TJP2: variants seen among roughly 807,000 people sequenced by gnomAD.
TJP2 encodes tight junction protein 2.
TJP2 carries 91 observed loss-of-function variants against 133.1 expected under a neutral mutation model. The observed-to-expected ratio is 0.68, with a 90% CI of 0.58 to 0.81. The LOEUF is 0.81. Ranked by LOEUF, TJP2 falls within the 40% of genes least tolerant of loss-of-function variation. The probability of loss-of-function intolerance (pLI) is 0.00; values close to 1 mark genes in which losing one functional copy is unlikely to be tolerated. For synonymous variants in TJP2, 592 were observed against 583.4 expected (o/e 1.01, Z -0.21); for missense variants, 1,541 against 1,565.6 (o/e 0.98, Z 0.26).
intron 1 of TJP2, among the ~76,000 whole-genome samples, chr9:69,203,759 G>A (rs998365340): frequency 6.6e-6 from 1 of 151,114 alleles, no homozygotes; most frequent in African/African-American, 2.4e-5. Context: ...GACTACAGGT[G>A]TGCACAACCA....
intron 6 of TJP2, among the ~76,000 whole-genome samples, chr9:69,225,818 G>C (rs1282939846): frequency 6.6e-6 from 1 of 152,140 alleles, no homozygotes; most frequent in Non-Finnish European, 1.5e-5. Context: ...TAAATTAGCA[G>C]AGTAACTTAC....
At chr9:69,153,183 T>C (rs1823573236) in intron 2 of TJP2, among the ~76,000 whole-genome samples, 7 of 151,880 alleles carry the variant, frequency 4.6e-5, no homozygotes, top group Non-Finnish European at 1.0e-4. Flanking sequence ...CAGTGAGCTA[T>C]AATTGCACCA....
chr9:69,158,279 G>C (rs1823876576), intron 2 of TJP2, among the ~76,000 whole-genome samples: 1 of 123,352 alleles, frequency 8.1e-6, no homozygotes, highest in South Asian at 2.8e-4. Context: ...AGTGAGCCTA[G>C]ATGGCGCCAC....
intron 17 of TJP2, among the ~76,000 whole-genome samples, chr9:69,245,917 A>T (rs1830894156): frequency 6.6e-6 from 1 of 152,220 alleles, no homozygotes; most frequent in Admixed American, 6.5e-5. Context: ...TATCAAAGTG[A>T]TATACAGTCA....
At chr9:69,186,533 C>T (rs1242872176) in intron 1 of TJP2, among the ~76,000 whole-genome samples, 2 of 152,170 alleles carry the variant, frequency 1.3e-5, no homozygotes, top group East Asian at 3.8e-4. Flanking sequence ...GACTTTTAGT[C>T]GGCCAGGGCT....
chr9:69,150,800 A>G (rs1033212728), intron 1 of TJP2, among the ~76,000 whole-genome samples: 1 of 152,224 alleles, frequency 6.6e-6, no homozygotes, highest in Admixed American at 6.5e-5. Flanking sequence ...ATGAAAACAT[A>G]TGTCCACATA....
intron 17 of TJP2, among the ~76,000 whole-genome samples, chr9:69,245,623 C>T (rs1329335600): frequency 6.6e-6 from 1 of 152,158 alleles, no homozygotes; most frequent in Admixed American, 6.5e-5. Flanking sequence ...AGCTTGCATC[C>T]AAGCTTCACA....
At chr9:69,152,029 G>T (rs1005680075) in intron 2 of TJP2, among the ~76,000 whole-genome samples, 1 of 151,524 alleles carries the variant, frequency 6.6e-6, no homozygotes, top group African/African-American at 2.4e-5. Flanking sequence ...GACCTTTCTG[G>T]CATGTAAGTA....
At chr9:69,206,703 G>A (rs1379216109) in intron 1 of TJP2, among the ~76,000 whole-genome samples, 4 of 151,830 alleles carry the variant, frequency 2.6e-5, no homozygotes, top group African/African-American at 7.3e-5. Flanking sequence ...TCAGCCTCCC[G>A]AGTAGCTGGG....
At chr9:69,128,166 G>T (rs1564365184) in intron 1 of TJP2, among the ~76,000 whole-genome samples, 1 of 77,268 alleles carries the variant, frequency 1.3e-5, no homozygotes, top group East Asian at 3.9e-4. Flanking sequence ...TGGGCATCTG[G>T]ATTGTTTCTG....
chr9:69,178,325 T>G (rs956539375), intron 1 of TJP2, among the ~76,000 whole-genome samples: 1 of 152,212 alleles, frequency 6.6e-6, no homozygotes, highest in Non-Finnish European at 1.5e-5. Flanking sequence ...GAAAACCAGC[T>G]ACCACATCCA....
chr9:69,225,762 C>T (rs746993191), intron 6 of TJP2, among the ~76,000 whole-genome samples: 15 of 152,138 alleles, frequency 9.9e-5, no homozygotes, highest in Non-Finnish European at 1.8e-4. Context: ...TCAGGAAACA[C>T]GTTCCAGTAG....
intron 6 of TJP2, 43 bp from the exon 7 acceptor site, chr9:69,225,979 A>G (rs1196434937): frequency 6.2e-7 from 1 of 1,605,526 alleles, no homozygotes; most frequent in South Asian, 1.1e-5. Context: ...TCTACTGTGA[A>G]TAATTTTATT....
intron 22 of TJP2, 150 bp downstream of exon 22, chr9:69,253,050 T>A: frequency 4.2e-6 from 3 of 709,168 alleles, no homozygotes; most frequent in Non-Finnish European, 7.2e-6. Flanking sequence ...CCATCAAATT[T>A]AATTGTAAAG....
intron 1 of TJP2, among the ~76,000 whole-genome samples, chr9:69,199,555 C>G (rs1207997770): frequency 6.6e-6 from 1 of 152,030 alleles, no homozygotes; most frequent in Non-Finnish European, 1.5e-5. Context: ...CACACGCATG[C>G]ACGTACGCAC....
chr9:69,229,106 G>A, intron 9 of TJP2, 78 bp from the exon 10 acceptor site: 2 of 1,361,196 alleles, frequency 1.5e-6, no homozygotes, highest in Non-Finnish European at 2.1e-6. Context: ...CATTTTTTGT[G>A]GATTTTGTGA....
intron 2 of TJP2, among the ~76,000 whole-genome samples, chr9:69,216,066 A>G (rs1009470771): frequency 5.3e-5 from 8 of 152,216 alleles, no homozygotes; most frequent in African/African-American, 1.9e-4. Context: ...ATTGTTTCCT[A>G]TCCCGGCCAG....
intron 2 of TJP2, among the ~76,000 whole-genome samples, chr9:69,166,683 C>T (rs1463407697): frequency 6.7e-6 from 1 of 149,956 alleles, no homozygotes; most frequent in African/African-American, 2.4e-5. Flanking sequence ...CCATGTTGGC[C>T]AGGCTGGTCT....
At chr9:69,218,417 A>C in intron 4 of TJP2, 58 bp downstream of exon 4, 1 of 1,261,482 alleles carries the variant, frequency 7.9e-7, no homozygotes, top group Non-Finnish European at 1.2e-6. Context: ...TTTGCCCAGA[A>C]GAAAATTACC....
Sources: gnomAD v4.1 joint callset for allele counts (sites outside exome capture counted in the v4.1 genomes callset) on GRCh38, gnomAD v4.1.1 for gene constraint, MANE v1.5 for transcripts, NCBI Gene and HGNC (gene_info 2026-07-23, HGNC 2026-07-21) for gene names.